Variants in CDC73 observed in about 807,000 individuals in gnomAD.
The protein encoded by CDC73 is cell division cycle 73, also known as parafibromin.
CDC73 carries 21 observed loss-of-function variants against 83.7 expected under a neutral mutation model. That is an observed-to-expected ratio of 0.25 (90% CI 0.18 to 0.36). CDC73 has a LOEUF of 0.36. Among genes scored for constraint, CDC73 ranks in the 10% least tolerant of loss-of-function variants. The pLI, the probability that CDC73 is intolerant of heterozygous loss-of-function variation, is 1.00. For synonymous variants in CDC73, 224 were observed against 212.9 expected (o/e 1.05, Z -0.45); for missense variants, 342 against 653.3 (o/e 0.52, Z 5.19).
At chr1:193,236,132 A>G (rs1395856329) in intron 14 of CDC73, 124 bp from the exon 15 acceptor site, 2 of 772,718 alleles carry the variant, frequency 2.6e-6, no homozygotes, top group Non-Finnish European at 2.4e-6. Flanking sequence ...GGAAGGATTG[A>G]TAAGACTCTT....
At chr1:193,226,287 G>A (rs1205551423) in intron 13 of CDC73, among the ~76,000 whole-genome samples, 2 of 152,036 alleles carry the variant, frequency 1.3e-5, no homozygotes, top group African/African-American at 2.4e-5. Flanking sequence ...ATTCTGTTCC[G>A]TTGGTCCTTG....
intron 10 of CDC73, among the ~76,000 whole-genome samples, chr1:193,202,749 C>CT (rs1451151601): frequency 6.6e-6 from 1 of 150,394 alleles, no homozygotes; most frequent in Non-Finnish European, 1.5e-5. Flanking sequence ...AAGTGAAAGT[C>CT]TTTTTTCTCC....
intron 10 of CDC73, among the ~76,000 whole-genome samples, chr1:193,189,926 T>G (rs958254483): frequency 6.6e-6 from 1 of 152,166 alleles, no homozygotes; most frequent in African/African-American, 2.4e-5. Flanking sequence ...GTAAAAAGAT[T>G]AAAAGAGAAA....
intron 10 of CDC73, among the ~76,000 whole-genome samples, chr1:193,154,881 A>G (rs766762024): frequency 6.6e-6 from 1 of 152,272 alleles, no homozygotes; most frequent in African/African-American, 2.4e-5. Context: ...TTTCTCCTTT[A>G]TAATATCCAC....
chr1:193,136,814 G>A (rs746921023), intron 5 of CDC73, among the ~76,000 whole-genome samples: 7 of 152,086 alleles, frequency 4.6e-5, no homozygotes, highest in Non-Finnish European at 7.4e-5. Context: ...TCGGCCTCCC[G>A]AAGTGCTGGG....
intron 3 of CDC73, among the ~76,000 whole-genome samples, chr1:193,134,771 ATG>A (rs2103120987): frequency 6.6e-6 from 1 of 152,284 alleles, no homozygotes; most frequent in African/African-American, 2.4e-5. Context: ...TATGTTTAGT[ATG>A]TCACCTTTTG....
At chr1:193,138,046 A>G (rs773796014) in intron 5 of CDC73, 39 bp from the exon 6 acceptor site, 6 of 1,458,630 alleles carry the variant, frequency 4.1e-6, no homozygotes, top group South Asian at 3.4e-5. Flanking sequence ...TAAAAGTTCA[A>G]TAAAAATTTT....
intron 10 of CDC73, among the ~76,000 whole-genome samples, chr1:193,183,871 A>C (rs1676761893): frequency 6.6e-6 from 1 of 151,686 alleles, no homozygotes; most frequent in African/African-American, 2.4e-5. Flanking sequence ...TTAAAGTGTA[A>C]ATTTGATGGT....
chr1:193,122,145 G>A lies in CDC73; in HGVS notation c.-56G>A. 6.4e-7 allele frequency: 1 copy of A among 1,566,950 alleles called. No homozygotes were observed. Among genetic ancestry groups the A allele is most frequent in the South Asian group, 1.1e-5 (1 of 90,058 alleles). On this transcript the variant is annotated 5_prime_UTR_variant, in exon 1 of 17. Coordinates refer to ENST00000367435, the MANE Select transcript of CDC73 (RefSeq NM_024529.5). Reference sequence around the variant, plus strand: ...GGGCGAGGCGACAAGAGAAGAAGGAGGCAGGCGCGGCGGCAGCGGCGGCGC... The same window carrying A: ...GGGCGAGGCGACAAGAGAAGAAGGAAGCAGGCGCGGCGGCAGCGGCGGCGC...
At chr1:193,126,688 C>T (rs145733887) in intron 2 of CDC73, among the ~76,000 whole-genome samples, 1,861 of 152,198 alleles carry the variant, frequency 0.012, 18 homozygotes, top group South Asian at 0.034. Context: ...TACAAGTATA[C>T]ACTTAAAATT....
intron 3 of CDC73, among the ~76,000 whole-genome samples, chr1:193,132,052 C>G (rs1675705194): frequency 1.3e-5 from 2 of 152,158 alleles, no homozygotes; most frequent in Admixed American, 6.5e-5. Context: ...AGGTTCTTAA[C>G]TGAATAAATG....
chr1:193,184,104 A>C (rs1268920133), intron 10 of CDC73, among the ~76,000 whole-genome samples: 6 of 151,894 alleles, frequency 4.0e-5, no homozygotes, highest in Admixed American at 3.9e-4. Context: ...ATTTTGTAAC[A>C]GTATGTGATA....
intron 15 of CDC73, 143 bp from the exon 16 acceptor site, chr1:193,249,587 G>A (rs538156325): frequency 1.5e-6 from 1 of 672,804 alleles, no homozygotes; most frequent in South Asian, 1.8e-5. Flanking sequence ...TGGCTGGCGT[G>A]TATAAACCCT....
At chr1:193,172,398 G>T (rs1180055538) in intron 10 of CDC73, among the ~76,000 whole-genome samples, 1 of 152,114 alleles carries the variant, frequency 6.6e-6, no homozygotes, top group African/African-American at 2.4e-5. Flanking sequence ...AGACTGCTGA[G>T]TTTGATGACA....
Position 193,138,188 on chromosome 1 carries a change from T to A in CDC73, c.512+15T>A, listed in dbSNP as rs1675834461. The A allele has an allele frequency of 1.3e-6, 2 of 1,535,952 alleles. No homozygotes were observed. Among genetic ancestry groups the A allele is most frequent in the Non-Finnish European group, 1.8e-6 (2 of 1,108,708 alleles). ...GAACAGATTAGGTAAGAATTCTTTT[T>A]AAGTAGAAAGTAGGTAGTTTAGATA... On this transcript the variant is annotated intron_variant, in intron 6 of 16. Transcript: ENST00000367435.
At chr1:193,161,296 T>G (rs2103140647) in intron 10 of CDC73, 1 of 173,628 alleles carries the variant, frequency 5.8e-6, no homozygotes, top group African/African-American at 2.4e-5. Flanking sequence ...TTATTTGAAA[T>G]TTCAGAATGG....
Position 193,177,358 on chromosome 1 carries a change from C to CAAAAAAAAA in CDC73, c.972+24928_972+24936dup, listed in dbSNP as rs10672869. ...TGAAACCCCATCTCTACTAAAAATA[C>CAAAAAAAAA]AAAAAAAAAAAAAAAAAAAAAATCA... On this transcript the variant is annotated intron_variant, in intron 10 of 16. Transcript: ENST00000367435. 3.8e-3 allele frequency among the ~76,000 whole-genome samples: 259 copies of CAAAAAAAAA among 69,034 alleles called. 1 individual carries two copies. Among genetic ancestry groups the CAAAAAAAAA allele is most frequent in the Middle Eastern group, 0.01 (1 of 98 alleles). 45.3% of individuals were successfully genotyped at this position (69,034 alleles called of 152,430 possible).
At position 193,250,599 on chromosome 1, in the gene CDC73, A is replaced by G. The variant is rs1166590669; in HGVS notation, c.1560-77A>G. 5 of 1,023,076 alleles carry G rather than the reference A, an allele frequency of 4.9e-6. No homozygotes were observed. The Middle Eastern group carries it at 6.2e-4, about 127-fold the overall frequency. 63.4% of individuals were successfully genotyped at this position (1,023,076 alleles called of 1,614,324 possible). Reference sequence around the variant, plus strand: ...TGATTTTAAGTTTTAAGAAATGTCAACTTGTTTTTACATGCATTATTCTAA... The same window carrying G: ...TGATTTTAAGTTTTAAGAAATGTCAGCTTGTTTTTACATGCATTATTCTAA... On this transcript the variant is annotated intron_variant, in intron 16 of 16. Coordinates refer to ENST00000367435, the MANE Select transcript of CDC73 (RefSeq NM_024529.5).
At position 193,253,389 on chromosome 1, in the gene CDC73, G is replaced by A. The variant is rs192018514; in HGVS notation, c.*2677G>A. 57 of 232,492 alleles carry A rather than the reference G, an allele frequency of 2.5e-4. 1 individual carries two copies. In the East Asian group the frequency reaches 3.4e-3, roughly 14 times the overall value. 14.4% of individuals were successfully genotyped at this position (232,492 alleles called of 1,614,324 possible). ...GTTTCCTCTTCCTTCTTTTCTGTATGTATGTGTGGTTTTTGATTTTTTGTT... is the reference window on the plus strand; with the variant it reads ...GTTTCCTCTTCCTTCTTTTCTGTATATATGTGTGGTTTTTGATTTTTTGTT... On this transcript the variant is annotated 3_prime_UTR_variant, in exon 17 of 17. Coordinates refer to ENST00000367435, the MANE Select transcript of CDC73 (RefSeq NM_024529.5).
Sources: gnomAD v4.1 joint callset for allele counts (sites outside exome capture counted in the v4.1 genomes callset) on GRCh38, gnomAD v4.1.1 for gene constraint, MANE v1.5 for transcripts, NCBI Gene and HGNC (gene_info 2026-07-23, HGNC 2026-07-21) for gene names.